The following MTFR1 variants were observed in gnomAD, a reference collection of about 807,000 sequenced individuals.
MTFR1 encodes chondrocyte protein with a poly-proline region.
MTFR1 carries 28 observed loss-of-function variants against 38.8 expected under a neutral mutation model. That is an observed-to-expected ratio of 0.72 (90% CI 0.53 to 0.99). MTFR1 has a LOEUF of 0.99. Among genes scored for constraint, MTFR1 ranks in the 50% least tolerant of loss-of-function variants. The pLI, the probability that MTFR1 is intolerant of heterozygous loss-of-function variation, is 0.00. For synonymous variants in MTFR1, 145 were observed against 137.0 expected (o/e 1.06, Z -0.41); for missense variants, 358 against 395.5 (o/e 0.91, Z 0.81).
chr8:65,741,961 A>G (rs1356088105), intron 3 of MTFR1, among the ~76,000 whole-genome samples: 1 of 152,236 alleles, frequency 6.6e-6, no homozygotes, highest in Non-Finnish European at 1.5e-5. Flanking sequence ...TCTGACAAGA[A>G]TCAGTCTCTT....
intron 3 of MTFR1, among the ~76,000 whole-genome samples, chr8:65,747,397 G>C (rs552160455): frequency 2.6e-5 from 4 of 152,004 alleles, no homozygotes; most frequent in African/African-American, 9.7e-5. Flanking sequence ...ATGTTTTATT[G>C]ATCTCCTTGT....
intron 1 of MTFR1, among the ~76,000 whole-genome samples, chr8:65,659,497 C>T (rs1044582617): frequency 3.4e-5 from 5 of 149,252 alleles, no homozygotes; most frequent in African/African-American, 7.4e-5. Flanking sequence ...AGGCTGGGGT[C>T]GGACCACGCA....
In MTFR1 at chr8:65,694,222, G is replaced by A. The variant is rs546239874; in HGVS notation, c.281+463G>A. Among the ~76,000 whole-genome samples the A allele has an allele frequency of 5.3e-5, 8 of 151,754 alleles. 1 individual carries two copies. The highest frequency in any genetic ancestry group is 4.2e-4 in the South Asian group (2 of 4,796). ...CCTGAGTAGCTGGGGCTACAGGCAC[G>A]CACCACCACACCCAGCTAATTTTTG... On this transcript the variant is annotated intron_variant, in intron 4 of 7. Coordinates refer to ENST00000262146, the MANE Select transcript of MTFR1 (RefSeq NM_014637.4).
intron 1 of MTFR1, among the ~76,000 whole-genome samples, chr8:65,654,064 CAAAAAAA>C (rs34665689): frequency 4.8e-5 from 4 of 83,652 alleles, no homozygotes; most frequent in Admixed American, 1.1e-4. Context: ...CTTTGTCTCT[CAAAAAAA>C]AAAAAAAAAA....
intron 3 of MTFR1, among the ~76,000 whole-genome samples, chr8:65,743,467 G>GGGT (rs1036809363): frequency 2.6e-5 from 4 of 152,166 alleles, no homozygotes; most frequent in African/African-American, 9.7e-5. Flanking sequence ...GGAGGCAGGA[G>GGGT]GGTGGCTCTG....
chr8:65,674,744 A>C (rs2129052130), intron 2 of MTFR1, among the ~76,000 whole-genome samples: 1 of 152,286 alleles, frequency 6.6e-6, no homozygotes, highest in South Asian at 2.1e-4. Context: ...TATTACTGTA[A>C]TAGCCATCCC....
intron 3 of MTFR1, chr8:65,724,144 A>C: frequency 1.6e-6 from 1 of 629,810 alleles, no homozygotes. Context: ...GTTACTAAAA[A>C]TGTCAAGACT....
intron 2 of MTFR1, chr8:65,719,243 AT>A: frequency 7.3e-7 from 1 of 1,372,050 alleles, no homozygotes; most frequent in Non-Finnish European, 1.0e-6. Flanking sequence ...CCCATTTCAC[AT>A]TTCTAAAAAC....
chr8:65,719,450 C>G (rs1333731052), exon 3 of MTFR1: 1 of 1,614,112 alleles, frequency 6.2e-7, no homozygotes, highest in Admixed American at 1.7e-5. Flanking sequence ...ATTGGAAAAC[C>G]TGGCCCATTC....
chr8:65,670,509 AT>A (rs1175685296), intron 2 of MTFR1, among the ~76,000 whole-genome samples: 4 of 152,182 alleles, frequency 2.6e-5, no homozygotes, highest in African/African-American at 2.4e-5. Flanking sequence ...TTACCTTGAC[AT>A]TTTTTATAAG....
chr8:65,773,176 T>G (rs1310741426), downstream of MTFR1, among the ~76,000 whole-genome samples: 1 of 152,180 alleles, frequency 6.6e-6, no homozygotes, highest in East Asian at 1.9e-4. Context: ...TTAGATCACA[T>G]TTCACAAAAC....
chr8:65,677,438 A>G (rs1326316931), intron 2 of MTFR1, among the ~76,000 whole-genome samples: 1 of 138,678 alleles, frequency 7.2e-6, no homozygotes, highest in East Asian at 2.2e-4. Context: ...GCAGGAGTGC[A>G]GTGGCACGAT....
intron 3 of MTFR1, among the ~76,000 whole-genome samples, chr8:65,685,160 A>G (rs1554549140): frequency 1.3e-5 from 2 of 152,168 alleles, no homozygotes; most frequent in Non-Finnish European, 2.9e-5. Context: ...TTGAAAATGC[A>G]TTTTTTTCCC....
chr8:65,771,455 C>T (rs74747822), downstream of MTFR1, among the ~76,000 whole-genome samples: 5,446 of 152,188 alleles, frequency 0.036, 137 homozygotes, highest in African/African-American at 0.074. Flanking sequence ...ATAAATAACA[C>T]TAATATCATA....
chr8:65,741,230 C>T (rs1464065585), intron 3 of MTFR1, among the ~76,000 whole-genome samples: 3 of 152,188 alleles, frequency 2.0e-5, no homozygotes, highest in African/African-American at 7.2e-5. Flanking sequence ...AAGTAGACTA[C>T]ATCCTTCACA....
chr8:65,676,837 C>G (rs1346488839), intron 2 of MTFR1, among the ~76,000 whole-genome samples: 1 of 152,140 alleles, frequency 6.6e-6, no homozygotes, highest in African/African-American at 2.4e-5. Flanking sequence ...CACACGTCAA[C>G]ACTTTCTACA....
chr8:65,708,981 G>C lies in MTFR1; in HGVS notation c.939G>C (p.Gly313=). 6.2e-7 allele frequency: 1 copy of C among 1,613,816 alleles called. No individual in the cohort carries two copies. The highest frequency in any genetic ancestry group is 8.5e-7 in the Non-Finnish European group (1 of 1,179,780). ...SEATSERVLF[G]PHMLKPTGKM... ...TACTTTTTGTTTGTTTCTAGTTTGG[G>C]CCACACATGTTGAAGCCAACAGGAA... Residue 313 remains glycine, a synonymous_variant, in exon 8 of 8, where the codon GGG becomes GGC. Transcript: ENST00000262146.
Position 65,762,055 on chromosome 8 carries a change from C to A in MTFR1, c.*49-8892C>A, listed in dbSNP as rs577961211. Among the ~76,000 whole-genome samples the A allele has an allele frequency of 2.6e-5, 4 of 152,288 alleles. No homozygotes were observed. In the South Asian group the frequency reaches 6.2e-4, roughly 24 times the overall value. ...AGCCCTGCAGCCACTGTATCTGCCA[C>A]CTTAACAATCATGAAGATACTAATC... On this transcript the variant is annotated intron_variant, in intron 3 of 3. Coordinates refer to the MTFR1 transcript ENST00000521247.
intron 3 of MTFR1, among the ~76,000 whole-genome samples, chr8:65,761,763 G>A (rs1808506038): frequency 6.6e-6 from 1 of 152,178 alleles, no homozygotes; most frequent in South Asian, 2.1e-4. Flanking sequence ...AAGTGGGATA[G>A]CAGACGAATG....
Sources: allele counts gnomAD v4.1 joint callset (sites outside exome capture counted in the v4.1 genomes callset), GRCh38; gene constraint gnomAD v4.1.1; transcripts MANE v1.5; gene names NCBI Gene and HGNC (gene_info 2026-07-23, HGNC 2026-07-21).